The following CASQ2 variants were observed in gnomAD, a reference collection of about 807,000 sequenced individuals.
The protein encoded by CASQ2 is calsequestrin 2.
Under a neutral mutation model 46.5 loss-of-function variants are expected in CASQ2, and 49 were observed. The observed-to-expected ratio is 1.05, with a 90% CI of 0.84 to 1.34. The LOEUF (loss-of-function observed/expected upper bound fraction) is 1.34, where lower values mean the gene tolerates loss of function less well. Among genes scored for constraint, CASQ2 ranks in the 40% most tolerant of loss-of-function variants. CASQ2 has a pLI of 0.00. For missense variants in CASQ2, 486 were observed against 481.3 expected, an observed-to-expected ratio of 1.01 and a Z score of -0.09; for synonymous variants, 174 against 168.5, an observed-to-expected ratio of 1.03 and a Z score of -0.25.
intron 1 of CASQ2, among the ~76,000 whole-genome samples, chr1:115,746,562 T>C (rs1247238482): frequency 6.6e-6 from 1 of 152,210 alleles, no homozygotes; most frequent in African/African-American, 2.4e-5. Context: ...TGGTTTTAAT[T>C]TGCATTTTCC....
At chr1:115,733,140 T>C (rs528023121) in intron 4 of CASQ2, among the ~76,000 whole-genome samples, 166 bp from the exon 5 acceptor site, 2 of 152,292 alleles carry the variant, frequency 1.3e-5, no homozygotes, top group African/African-American at 4.8e-5. Flanking sequence ...AAGCCCATAG[T>C]TCCCCCCAAG....
At chr1:115,755,511 C>A (rs1450403775) in intron 1 of CASQ2, among the ~76,000 whole-genome samples, 6 of 152,162 alleles carry the variant, frequency 3.9e-5, no homozygotes, top group Admixed American at 2.6e-4. Flanking sequence ...AAAATAATGA[C>A]TGAACGAAGA....
chr1:115,717,412 A>C (rs995045450), intron 8 of CASQ2, among the ~76,000 whole-genome samples: 10 of 152,286 alleles, frequency 6.6e-5, no homozygotes, highest in Non-Finnish European at 7.3e-5. Context: ...CCTTACCCAG[A>C]TCAATCAATG....
At chr1:115,734,693 C>T (rs1647898111) in intron 4 of CASQ2, among the ~76,000 whole-genome samples, 1 of 152,142 alleles carries the variant, frequency 6.6e-6, no homozygotes, top group African/African-American at 2.4e-5. Context: ...GGCTCCTGAA[C>T]ATTGAGTTCC....
chr1:115,702,868 G>T, intron 10 of CASQ2, 53 bp downstream of exon 10: 1 of 1,329,828 alleles, frequency 7.5e-7, no homozygotes, highest in Non-Finnish European at 1.1e-6. Flanking sequence ...CTGTGTAGCA[G>T]AAGACAGGGC....
At chr1:115,767,222 C>A (rs1260070574) in intron 1 of CASQ2, among the ~76,000 whole-genome samples, 2 of 152,128 alleles carry the variant, frequency 1.3e-5, no homozygotes, top group Non-Finnish European at 2.9e-5. Context: ...AAAATAAAGT[C>A]TTAATAACTA....
At chr1:115,737,090 G>A (rs1647989433) in intron 4 of CASQ2, among the ~76,000 whole-genome samples, 1 of 152,086 alleles carries the variant, frequency 6.6e-6, no homozygotes, top group South Asian at 2.1e-4. Context: ...TGAGACAGAC[G>A]AACTGAAAAG....
chr1:115,732,665 G>A (rs1356021134), intron 5 of CASQ2, among the ~76,000 whole-genome samples: 1 of 152,060 alleles, frequency 6.6e-6, no homozygotes, highest in African/African-American at 2.4e-5. Flanking sequence ...GATAATGGTG[G>A]GTCATCACTT....
rs1339911315 is a variant in CASQ2, at chr1:115,701,650, T to G, written c.1015-224A>C. On this transcript the variant is annotated intron_variant, in intron 10 of 10. Coordinates refer to ENST00000261448, the MANE Select transcript of CASQ2 (RefSeq NM_001232.4). ...GTATTCCATTGCCCAGTGGAATATA[T>G]ATGACATTTCTGGTAATATACCCAT... 2.0e-5 allele frequency among the ~76,000 whole-genome samples: 3 copies of G among 152,210 alleles called. 1 individual carries two copies. Among genetic ancestry groups the G allele is most frequent in the Non-Finnish European group, 4.4e-5 (3 of 68,042 alleles).
At chr1:115,725,155 C>CT (rs2101076714) in intron 7 of CASQ2, among the ~76,000 whole-genome samples, 1 of 152,232 alleles carries the variant, frequency 6.6e-6, no homozygotes, top group Non-Finnish European at 1.5e-5. Flanking sequence ...CAGACTTGAC[C>CT]TCCCAGGCTC....
At chr1:115,719,788 C>A (rs1647303871) in intron 7 of CASQ2, among the ~76,000 whole-genome samples, 1 of 152,108 alleles carries the variant, frequency 6.6e-6, no homozygotes, top group African/African-American at 2.4e-5. Flanking sequence ...GGCTGAGAAC[C>A]CCCGGGGCTT....
Position 115,705,152 on chromosome 1 carries a change from G to A in CASQ2, c.939+40C>T, listed in dbSNP as rs753360996. 5 of 1,258,330 alleles carry A rather than the reference G, an allele frequency of 4.0e-6. No individual in the cohort carries two copies. In the African/African-American group the frequency reaches 7.3e-5, roughly 18 times the overall value. The allele number at this position is 1,258,330 out of a possible 1,614,324, so 77.9% of individuals were successfully genotyped here. On this transcript the variant is annotated intron_variant, in intron 9 of 10. Coordinates refer to ENST00000261448, the MANE Select transcript of CASQ2 (RefSeq NM_001232.4). ...ATGCTGAACGCAATCATGAGGTTGTGACAGCAACTGAGGGTGGGGCGCTGG... is the reference window on the plus strand; with the variant it reads ...ATGCTGAACGCAATCATGAGGTTGTAACAGCAACTGAGGGTGGGGCGCTGG...
intron 5 of CASQ2, among the ~76,000 whole-genome samples, chr1:115,730,692 T>G (rs1451434937): frequency 1.3e-5 from 2 of 152,196 alleles, no homozygotes; most frequent in Non-Finnish European, 2.9e-5. Context: ...CTTAAGTTAT[T>G]TTGAGGCCTT....
chr1:115,731,747 A>C (rs1329556997), intron 5 of CASQ2, among the ~76,000 whole-genome samples: 1 of 152,226 alleles, frequency 6.6e-6, no homozygotes, highest in Admixed American at 6.5e-5. Flanking sequence ...ATCTTTCAGC[A>C]CCTCAGTTTC....
chr1:115,739,038 G>T (rs1490975683), intron 3 of CASQ2, among the ~76,000 whole-genome samples: 1 of 135,070 alleles, frequency 7.4e-6, no homozygotes, highest in African/African-American at 2.7e-5. Flanking sequence ...CATCTGTATA[G>T]TTGCAAATGA....
intron 1 of CASQ2, among the ~76,000 whole-genome samples, chr1:115,764,566 A>T (rs1267363228): frequency 6.6e-6 from 1 of 152,226 alleles, no homozygotes; most frequent in African/African-American, 2.4e-5. Context: ...CAGCTGTTTA[A>T]GTCAGGGTTA....
At chr1:115,710,629 C>T (rs773914344) in intron 8 of CASQ2, among the ~76,000 whole-genome samples, 1 of 152,166 alleles carries the variant, frequency 6.6e-6, no homozygotes, top group African/African-American at 2.4e-5. Flanking sequence ...GGGTCCCTTC[C>T]CCTCCTTCAA....
At chr1:115,708,694 C>T (rs1367322728) in intron 8 of CASQ2, among the ~76,000 whole-genome samples, 1 of 152,194 alleles carries the variant, frequency 6.6e-6, no homozygotes, top group African/African-American at 2.4e-5. Context: ...CTTAAATTAC[C>T]TGACATTCTA....
chr1:115,745,509 G>C (rs9428212), intron 1 of CASQ2, among the ~76,000 whole-genome samples: 66,344 of 151,948 alleles, frequency 0.44, 16,845 homozygotes, highest in Non-Finnish European at 0.58. Flanking sequence ...AGAGGATGCA[G>C]CAGTGTCCTA....
Sources: allele counts gnomAD v4.1 joint callset (sites outside exome capture counted in the v4.1 genomes callset), GRCh38; gene constraint gnomAD v4.1.1; transcripts MANE v1.5; gene names NCBI Gene and HGNC (gene_info 2026-07-23, HGNC 2026-07-21).